Variants in PCDHA8 observed in about 807,000 individuals in gnomAD.
The protein encoded by PCDHA8 is protocadherin alpha-8.
In PCDHA8, 53 loss-of-function variants were observed where a neutral mutation model predicts 61.8. The observed-to-expected ratio is 0.86, with a 90% CI of 0.69 to 1.08. PCDHA8 has a LOEUF of 1.08. Among genes scored for constraint, PCDHA8 ranks in the 50% least tolerant of loss-of-function variants. PCDHA8 has a pLI of 0.00. For synonymous variants in PCDHA8, 618 were observed against 556.6 expected (o/e 1.11, Z -1.55); for missense variants, 1,293 against 1,245.0 (o/e 1.04, Z -0.58).
chr5:140,967,508 C>G (rs2096150874), intron 1 of PCDHA8: 2 of 1,612,712 alleles, frequency 1.2e-6, no homozygotes, highest in Non-Finnish European at 1.7e-6. Flanking sequence ...TGTGCGTGTC[C>G]TGGACACTAA....
At chr5:140,864,048 T>G (rs1053633631) in intron 1 of PCDHA8, 9 of 152,932 alleles carry the variant, frequency 5.9e-5, no homozygotes, top group African/African-American at 2.2e-4. Flanking sequence ...CACTTTTTAC[T>G]ACAGTCACCA....
chr5:140,946,609 G>GAA, intron 1 of PCDHA8, among the ~76,000 whole-genome samples: 1 of 68,674 alleles, frequency 1.5e-5, no homozygotes, highest in Non-Finnish European at 2.7e-5. Flanking sequence ...AAGAAAATGT[G>GAA]AAATATATAT....
In PCDHA8 at chr5:140,885,617, T is replaced by C. The variant is rs182455292; in HGVS notation, c.2394+41902T>C. Among the ~76,000 whole-genome samples, 20 of 152,288 alleles carry C rather than the reference T, an allele frequency of 1.3e-4. No individual in the cohort carries two copies. The East Asian group carries it at 3.7e-3, about 28-fold the overall frequency. The stretch of plus-strand genomic sequence containing the variant: ...GATATTAATAATTTTAATTATAAAA[T>C]ATGTCACTGGATTGCCTTCCAAGTA... On this transcript the variant is annotated intron_variant, in intron 1 of 3. Coordinates refer to ENST00000531613, the MANE Select transcript of PCDHA8 (RefSeq NM_018911.3).
At chr5:140,870,099 C>T in intron 1 of PCDHA8, 8 of 1,613,912 alleles carry the variant, frequency 5.0e-6, no homozygotes, top group Non-Finnish European at 6.8e-6. Context: ...TGGCAGGTCA[C>T]TGTACAGTCT....
At chr5:140,883,027 G>A in intron 1 of PCDHA8, 1 of 1,614,126 alleles carries the variant, frequency 6.2e-7, no homozygotes, top group Non-Finnish European at 8.5e-7. Context: ...CGGTGTTAGA[G>A]AACGCCTTCA....
intron 1 of PCDHA8, among the ~76,000 whole-genome samples, chr5:140,956,211 T>C (rs908749043): frequency 6.6e-6 from 1 of 152,198 alleles, no homozygotes; most frequent in African/African-American, 2.4e-5. Context: ...AAAGAGGGCA[T>C]CCTTGTCTTG....
chr5:140,882,513 G>A (rs2059164592), intron 1 of PCDHA8: 3 of 1,614,072 alleles, frequency 1.9e-6, no homozygotes, highest in Admixed American at 3.3e-5. Context: ...CTGCAGAATG[G>A]CATTTTGTTT....
At chr5:140,887,333 T>A (rs1214047567) in intron 1 of PCDHA8, among the ~76,000 whole-genome samples, 1 of 152,174 alleles carries the variant, frequency 6.6e-6, no homozygotes, top group African/African-American at 2.4e-5. Context: ...CCTGACCTCG[T>A]GATCCACCTG....
intron 2 of PCDHA8, among the ~76,000 whole-genome samples, chr5:140,980,402 T>G (rs1019891422): frequency 2.0e-5 from 3 of 152,020 alleles, no homozygotes; most frequent in African/African-American, 7.2e-5. Context: ...GAGGCCGAGG[T>G]GGGCAGATCA....
At chr5:140,959,624 AAAAG>A (rs2095502972) in intron 1 of PCDHA8, among the ~76,000 whole-genome samples, 1 of 152,220 alleles carries the variant, frequency 6.6e-6, no homozygotes, top group Non-Finnish European at 1.5e-5. Context: ...GTGATAGAAA[AAAAG>A]AGAGAAAAAA....
In PCDHA8 at chr5:140,993,460, T is replaced by TCCCA. The variant is rs1554253699; in HGVS notation, c.2542+10898_2542+10899insCCAC. On this transcript the variant is annotated intron_variant, in intron 3 of 3. Transcript: ENST00000531613. Reference sequence around the variant, plus strand: ...TTCATTCCTGTTCTCCTTCTTTCTTTCTCACACACACACACACACACACAC... The same window carrying TCCCA: ...TTCATTCCTGTTCTCCTTCTTTCTTTCCCACTCACACACACACACACACACACAC... Among the ~76,000 whole-genome samples, 30 of 104,506 alleles carry TCCCA rather than the reference T, an allele frequency of 2.9e-4. 1 individual carries two copies. The highest frequency in any genetic ancestry group is 1.1e-3 in the African/African-American group (29 of 25,484). The allele number at this position is 104,506 out of a possible 152,430, so 68.6% of individuals were successfully genotyped here.
At position 140,870,533 on chromosome 5, in the gene PCDHA8, C is replaced by A. The variant is rs1185177447; in HGVS notation, c.2394+26818C>A. The A allele has an allele frequency of 1.9e-6, 3 of 1,614,050 alleles. No individual in the cohort carries two copies. The African/African-American group carries it at 4.0e-5, about 22-fold the overall frequency. ...CCAGGCTGCCACATCTTCACAGTGTCGGCGCGGGACGCGGACGCGCAGGAG... is the reference window on the plus strand; with the variant it reads ...CCAGGCTGCCACATCTTCACAGTGTAGGCGCGGGACGCGGACGCGCAGGAG... On this transcript the variant is annotated intron_variant, in intron 1 of 3. Transcript: ENST00000531613.
intron 1 of PCDHA8, chr5:140,859,474 T>TA: frequency 4.8e-6 from 1 of 210,386 alleles, no homozygotes; most frequent in Non-Finnish European, 9.2e-6. Context: ...CTATCAATTG[T>TA]GTTTTCCTGA....
chr5:140,878,139 T>G, intron 1 of PCDHA8: 1 of 191,254 alleles, frequency 5.2e-6, no homozygotes, highest in South Asian at 1.6e-4. Flanking sequence ...AGTGGCCAGA[T>G]GTTTGATAAC....
chr5:140,881,301 A>C (rs1432436745), intron 1 of PCDHA8: 2 of 957,940 alleles, frequency 2.1e-6, no homozygotes, highest in Admixed American at 1.2e-4. Context: ...TGGAAACTTT[A>C]ACCTCCTGGT....
rs189155751 is a variant in PCDHA8 at position 140,943,432 on chromosome 5, T to C, written c.2395-35517T>C. 2.8e-3 allele frequency among the ~76,000 whole-genome samples: 419 copies of C among 152,174 alleles called. 2 individuals carry two copies. The highest frequency in any genetic ancestry group is 0.014 in the Middle Eastern group (4 of 294). Reference sequence around the variant, plus strand: ...ACTAGAGGCAAGGGCTTTAATATGATATAAAGGATAGAATTGATAAGGCTA... The same window carrying C: ...ACTAGAGGCAAGGGCTTTAATATGACATAAAGGATAGAATTGATAAGGCTA... On this transcript the variant is annotated intron_variant, in intron 1 of 3. Coordinates refer to ENST00000531613, the MANE Select transcript of PCDHA8 (RefSeq NM_018911.3).
At chr5:140,977,634 T>A (rs187884163) in intron 1 of PCDHA8, among the ~76,000 whole-genome samples, 83 of 152,298 alleles carry the variant, frequency 5.4e-4, no homozygotes, top group African/African-American at 1.9e-3. Context: ...TTGTAACTTT[T>A]TCTGGGCCTT....
intron 1 of PCDHA8, chr5:140,883,393 C>T (rs781845683): frequency 1.2e-6 from 2 of 1,614,160 alleles, no homozygotes; most frequent in South Asian, 2.2e-5. Flanking sequence ...TCAGTGTGTC[C>T]GATCGTGACT....
chr5:140,871,117 G>A (rs2052723130), intron 1 of PCDHA8: 1 of 1,613,286 alleles, frequency 6.2e-7, no homozygotes, highest in East Asian at 2.2e-5. Flanking sequence ...GGTGGAGAGC[G>A]GACAGGCGCC....
Sources: gnomAD v4.1 joint callset for allele counts (sites outside exome capture counted in the v4.1 genomes callset) on GRCh38, gnomAD v4.1.1 for gene constraint, MANE v1.5 for transcripts, NCBI Gene and HGNC (gene_info 2026-07-23, HGNC 2026-07-21) for gene names.